The following CLN6 variants were observed in gnomAD, a reference collection of about 807,000 sequenced individuals.
CLN6 encodes the protein CLN6 transmembrane ER protein, also known as ceroid-lipofuscinosis neuronal protein 6.
A neutral mutation model predicts 33.3 loss-of-function variants in CLN6; 22 were observed. The ratio of observed to expected loss-of-function variants is 0.66; its 90% CI spans 0.47 to 0.94. CLN6 has a LOEUF of 0.94. Ranked by LOEUF, CLN6 falls within the 40% of genes least tolerant of loss-of-function variation. CLN6 has a pLI of 0.00. For synonymous variants in CLN6, 201 were observed against 174.6 expected (o/e 1.15, Z -1.19); for missense variants, 387 against 417.1 (o/e 0.93, Z 0.63).
chr15:68,209,575 A>G lies in CLN6; in HGVS notation c.665+62T>C. The G allele has an allele frequency of 6.2e-7, 1 of 1,604,074 alleles. No homozygotes were observed. ...ACAGCAGGTCCATTGGCAAGTGCAG[A>G]ATTTTGCTGCCGTGGCTCTCTCAGT... On this transcript the variant is annotated intron_variant, in intron 6 of 6. Coordinates refer to ENST00000249806, the MANE Select transcript of CLN6 (RefSeq NM_017882.3). The surrounding 1 kb of genome is among the most constrained non-coding windows in gnomAD (Gnocchi z 4.9).
chr15:68,244,423 A>G (rs1241001871), intron 1 of CLN6, among the ~76,000 whole-genome samples: 5 of 42,750 alleles, frequency 1.2e-4, no homozygotes, highest in Non-Finnish European at 3.8e-4. Context: ...GTGCTGAAAG[A>G]AAAAAAAAAC....
intron 1 of CLN6, 130 bp downstream of exon 1, chr15:68,229,372 G>C (rs1272633440): frequency 1.6e-6 from 1 of 624,720 alleles, no homozygotes; most frequent in Non-Finnish European, 2.4e-6. Context: ...AGCCCCCCGC[G>C]CTCCGCTCCG....
chr15:68,209,493 C>A lies in CLN6; in HGVS notation c.665+144G>T. On this transcript the variant is annotated intron_variant, in intron 6 of 6. Transcript: ENST00000249806. The surrounding 1 kb of genome is among the most constrained non-coding windows in gnomAD (Gnocchi z 4.9). ...GCCACCACAGGGCATTGTCACAGTC[C>A]CCACTAGACACAAGAAGAAGCACGG... 8.7e-7 allele frequency: 1 copy of A among 1,153,926 alleles called. No individual in the cohort carries two copies. Among genetic ancestry groups the A allele is most frequent in the Non-Finnish European group, 1.3e-6 (1 of 784,836 alleles). 71.5% of individuals were successfully genotyped at this position (1,153,926 alleles called of 1,614,324 possible). A position where few individuals can be genotyped will look rare whatever the true frequency, so the allele number is the denominator to read the frequency against.
At chr15:68,218,432 A>C in intron 2 of CLN6, 104 bp downstream of exon 2, 8 of 842,422 alleles carry the variant, frequency 9.5e-6, no homozygotes, top group Non-Finnish European at 1.4e-5. Context: ...TCAGTTTACT[A>C]GGAGATAAAG....
chr15:68,207,975 A>G lies in CLN6; in HGVS notation c.*165T>C. The G allele has an allele frequency of 1.8e-6, 1 of 566,472 alleles. No individual in the cohort carries two copies. The highest frequency in any genetic ancestry group is 3.0e-6 in the Non-Finnish European group (1 of 336,806). 35.1% of individuals were successfully genotyped at this position (566,472 alleles called of 1,614,324 possible). On this transcript the variant is annotated 3_prime_UTR_variant, in exon 7 of 7. Transcript: ENST00000249806. ...AATGATGCACTCTGCGCACACATAT[A>G]CAAGACACACACACACACACACACG... is the stretch of plus-strand genomic sequence containing the variant.
intron 1 of CLN6, among the ~76,000 whole-genome samples, chr15:68,235,899 G>C (rs1377846697): frequency 6.6e-6 from 1 of 152,096 alleles, no homozygotes; most frequent in Non-Finnish European, 1.5e-5. Flanking sequence ...GTCCTTCCTT[G>C]CATTTCTCCA....
In CLN6 at chr15:68,208,443, C is replaced by T. The variant is rs979072424; in HGVS notation, c.666-33G>A. On this transcript the variant is annotated intron_variant, in intron 6 of 6. Coordinates refer to ENST00000249806, the MANE Select transcript of CLN6 (RefSeq NM_017882.3). The surrounding 1 kb of genome is among the most constrained non-coding windows in gnomAD (Gnocchi z 5.8). Reference sequence around the variant, plus strand: ...GGCCAGGGGTGAGTGAGGCAGCTGCCGTGGCAACCCCGTCCTGCCTGGCAT... The same window carrying T: ...GGCCAGGGGTGAGTGAGGCAGCTGCTGTGGCAACCCCGTCCTGCCTGGCAT... 5.0e-6 allele frequency: 8 copies of T among 1,610,420 alleles called. No homozygotes were observed. The South Asian group carries it at 5.5e-5, about 11-fold the overall frequency.
chr15:68,257,193 C>A (rs376109985), upstream of CLN6: 487 of 232,308 alleles, frequency 2.1e-3, 4 homozygotes, highest in African/African-American at 0.011. Flanking sequence ...TCGCTGAGGG[C>A]TTGCGCCAGC....
At position 68,208,094 on chromosome 15, in the gene CLN6, G is replaced by GGCCCCCCCCCCCCCCCCCCC; in HGVS notation, c.*45_*46insGGGGGGGGGGGGGGGGGGGC. The GGCCCCCCCCCCCCCCCCCCC allele has an allele frequency of 7.3e-7, 1 of 1,375,276 alleles. No individual in the cohort carries two copies. Among genetic ancestry groups the GGCCCCCCCCCCCCCCCCCCC allele is most frequent in the South Asian group, 1.3e-5 (1 of 79,428 alleles). 85.2% of individuals were successfully genotyped at this position (1,375,276 alleles called of 1,614,324 possible). A position where few individuals can be genotyped will look rare whatever the true frequency, so the allele number is the denominator to read the frequency against. Reference sequence around the variant, plus strand: ...CTCCTGTATTCAGATGCCCTCCATGGCCCACCCTCCCACCCAGCAGAGCGC... The same window carrying GGCCCCCCCCCCCCCCCCCCC: ...CTCCTGTATTCAGATGCCCTCCATGGGCCCCCCCCCCCCCCCCCCCCCCACCCTCCCACCCAGCAGAGCGC... On this transcript the variant is annotated 3_prime_UTR_variant, in exon 7 of 7. Coordinates refer to ENST00000249806, the MANE Select transcript of CLN6 (RefSeq NM_017882.3). The surrounding 1 kb of genome is among the most constrained non-coding windows in gnomAD (Gnocchi z 5.8).
upstream of CLN6, chr15:68,229,798 A>AGGCGGGGCGGAGGGAGG: frequency 7.1e-6 from 1 of 140,670 alleles, no homozygotes; most frequent in East Asian, 4.6e-4. Flanking sequence ...GCGGAGGGAG[A>AGGCGGGGCGGAGGGAGG]CGGGGCGGGC....
At chr15:68,252,254 G>A (rs903643446) in intron 1 of CLN6, among the ~76,000 whole-genome samples, 5 of 152,108 alleles carry the variant, frequency 3.3e-5, no homozygotes, top group East Asian at 1.9e-4. Flanking sequence ...GATTACAGGC[G>A]TGAGCCACCA....
rs1246170785 is a variant in CLN6 at position 68,241,267 on chromosome 15, TAC to T, written c.179+15421_179+15422del. On this transcript the variant is annotated intron_variant, in intron 1 of 6. Coordinates refer to the CLN6 transcript ENST00000538696. This position sits in a 1 kb window ranked among gnomAD's most constrained non-coding sequence, Gnocchi z 4.2. ...CTTCCCACAGAAAACCAAAAACAAA[TAC>T]ACAGTGCTGAGATGATCAGCACTAT... Among the ~76,000 whole-genome samples, 3 of 151,628 alleles carry T rather than the reference TAC, an allele frequency of 2.0e-5. No homozygotes were observed. The highest frequency in any genetic ancestry group is 4.4e-5 in the Non-Finnish European group (3 of 67,866).
intron 1 of CLN6, among the ~76,000 whole-genome samples, chr15:68,248,911 G>A (rs1892351581): frequency 6.6e-6 from 1 of 151,860 alleles, no homozygotes; most frequent in Non-Finnish European, 1.5e-5. Context: ...ATGACAAGGG[G>A]GATTAATAAC....
chr15:68,231,501 GAGA>G (rs1312663325), upstream of CLN6, among the ~76,000 whole-genome samples: 5 of 152,360 alleles, frequency 3.3e-5, no homozygotes, highest in African/African-American at 7.2e-5. Flanking sequence ...GTATACACCA[GAGA>G]AGAAGGATTG....
chr15:68,211,150 C>T lies in CLN6; in HGVS notation c.542+113G>A. 1.1e-6 allele frequency: 1 copy of T among 915,406 alleles called. No homozygotes were observed. Among genetic ancestry groups the T allele is most frequent in the Non-Finnish European group, 1.8e-6 (1 of 544,472 alleles). The allele number at this position is 915,406 out of a possible 1,614,324, so 56.7% of individuals were successfully genotyped here. The stretch of plus-strand genomic sequence containing the variant: ...CAGTGCCTTTACAGGGGATGAGACT[C>T]AACACATGGAGACCCGCAGCCCAGA... On this transcript the variant is annotated intron_variant, in intron 5 of 6. Transcript: ENST00000249806. This position sits in a 1 kb window ranked among gnomAD's most constrained non-coding sequence, Gnocchi z 5.9.
At chr15:68,221,857 G>C (rs2093237207) in intron 1 of CLN6, among the ~76,000 whole-genome samples, 1 of 149,702 alleles carries the variant, frequency 6.7e-6, no homozygotes, top group African/African-American at 2.5e-5. Flanking sequence ...TAGGAAGTGA[G>C]GAGCGCCTCT....
In CLN6 at chr15:68,228,227, G is replaced by A. The variant is rs537544133; in HGVS notation, c.83+1275C>T. Among the ~76,000 whole-genome samples, 1 of 152,292 alleles carries A rather than the reference G, an allele frequency of 6.6e-6. No homozygotes were observed. Among genetic ancestry groups the A allele is most frequent in the East Asian group, 1.9e-4 (1 of 5,176 alleles). On this transcript the variant is annotated intron_variant, in intron 1 of 6. Transcript: ENST00000249806. The surrounding 1 kb of genome is among the most constrained non-coding windows in gnomAD (Gnocchi z 4.4). ...CGCATGTCCGCAGCAGCAGAAACGA[G>A]CCATCCCTCACCTCAGCCCAAGCGC...
chr15:68,229,220 G>C (rs1335923341), intron 1 of CLN6, among the ~76,000 whole-genome samples: 6 of 152,230 alleles, frequency 3.9e-5, no homozygotes, highest in Admixed American at 1.3e-4. Flanking sequence ...AACGCGGGAA[G>C]GGAGGAAAAC....
intron 1 of CLN6, among the ~76,000 whole-genome samples, chr15:68,235,320 G>A (rs938948633): frequency 1.3e-5 from 2 of 152,156 alleles, no homozygotes; most frequent in African/African-American, 4.8e-5. Context: ...TGCCTGAACG[G>A]AGAGGCCATG....
Sources: allele counts gnomAD v4.1 joint callset (sites outside exome capture counted in the v4.1 genomes callset), GRCh38; gene constraint gnomAD v4.1.1; non-coding constraint Gnocchi (gnomAD v3.1); transcripts MANE v1.5; gene names NCBI Gene and HGNC (gene_info 2026-07-23, HGNC 2026-07-21).